Variants in TIGD1 observed in about 807,000 individuals in gnomAD.
The protein encoded by TIGD1 is tigger transposable element derived 1.
A neutral mutation model predicts 21.3 loss-of-function variants in TIGD1; 20 were observed. The observed-to-expected ratio is 0.94, with a 90% CI of 0.66 to 1.36. The LOEUF is 1.36. TIGD1 is among the 40% of genes most tolerant of loss of function. The pLI, the probability that TIGD1 is intolerant of heterozygous loss-of-function variation, is 0.00. For synonymous variants in TIGD1, 177 were observed against 123.2 expected (o/e 1.44, Z -2.89); for missense variants, 556 against 350.5 (o/e 1.59, Z -4.68).
Position 232,548,384 on chromosome 2 carries a change from T to C in TIGD1, c.1499A>G (p.Asp500Gly), listed in dbSNP as rs1363620699. The change falls in exon 1 of 1, where the codon GAT (aspartate) becomes GGT (glycine). Residue 500 changes from aspartate to glycine, a missense_variant. Asp to Gly is a moderately conservative substitution (Grantham distance 94, BLOSUM62 -1). Transcript: ENST00000408957. ...KDLEYYINLV[D>G]KAAAGFERID... ...CCTCTCAAACCCTGCTGCTGCTTTA[T>C]CAACTAAGTTTATGTAATATTCTAA... is the stretch of plus-strand genomic sequence containing the variant. The C allele has an allele frequency of 3.5e-6, 3 of 862,336 alleles. No individual in the cohort carries two copies. The highest frequency in any genetic ancestry group is 5.5e-6 in the Non-Finnish European group (3 of 543,546). 53.4% of individuals were successfully genotyped at this position (862,336 alleles called of 1,614,324 possible). A position where few individuals can be genotyped will look rare whatever the true frequency, so the allele number is the denominator to read the frequency against.
Position 232,550,410 on chromosome 2 carries a change from G to C in TIGD1, c.-528C>G. 4.0e-6 allele frequency: 2 copies of C among 494,094 alleles called. No homozygotes were observed. The highest frequency in any genetic ancestry group is 3.7e-6 in the Non-Finnish European group (1 of 272,816). 30.6% of individuals were successfully genotyped at this position (494,094 alleles called of 1,614,324 possible). ...AAGCAGCGAGTCCAGAGCCCGCGCC[G>C]TCAACGACGCGGTGCTGCCTTTTTT... On this transcript the variant is annotated 5_prime_UTR_variant, in exon 1 of 1. Coordinates refer to ENST00000408957, the MANE Select transcript of TIGD1 (RefSeq NM_145702.4).
At position 232,544,756 on chromosome 2, in the gene TIGD1, C is replaced by G. The variant is rs1692092540; in HGVS notation, c.*3351G>C. 1 of 1,613,882 alleles carries G rather than the reference C, an allele frequency of 6.2e-7. No individual in the cohort carries two copies. Among genetic ancestry groups the G allele is most frequent in the African/African-American group, 1.3e-5 (1 of 75,042 alleles). ...CCTCCATTCTACTCCCAAACCTTAC[C>G]CTTTCTCTTTATCAGAGAAAGGCCC... is the stretch of plus-strand genomic sequence containing the variant. On this transcript the variant is annotated 3_prime_UTR_variant, in exon 1 of 1. Transcript: ENST00000408957.
In TIGD1 at chr2:232,545,750, C is replaced by T. The variant is rs1692120961; in HGVS notation, c.*2357G>A. 6.2e-7 allele frequency: 1 copy of T among 1,611,022 alleles called. No individual in the cohort carries two copies. The highest frequency in any genetic ancestry group is 8.5e-7 in the Non-Finnish European group (1 of 1,177,550). On this transcript the variant is annotated 3_prime_UTR_variant, in exon 1 of 1. Coordinates refer to ENST00000408957, the MANE Select transcript of TIGD1 (RefSeq NM_145702.4). ...ACCACTGTGGGGCATGTGGGAGTCA[C>T]ACACGTGGGTCACACTGAGTCTTAT... is the stretch of plus-strand genomic sequence containing the variant.
chr2:232,549,406 T>G lies in TIGD1; in HGVS notation c.477A>C (p.Val159=), dbSNP rs1183652202. ...CTTCTGGATAACTTGCTGCAGCTTCTACATCAGCACTTGCTGCTTCACCTT... is the reference window on the plus strand; with the variant it reads ...CTTCTGGATAACTTGCTGCAGCTTCGACATCAGCACTTGCTGCTTCACCTT... The part of the protein sequence containing the change: ...KAQGEAASAD[V]EAAASYPEAL... Residue 159 remains valine (V), a synonymous_variant, in exon 1 of 1, where the codon GTA becomes GTC. Coordinates refer to ENST00000408957, the MANE Select transcript of TIGD1 (RefSeq NM_145702.4). 1.6e-6 allele frequency: 1 copy of G among 640,538 alleles called. No individual in the cohort carries two copies. Among genetic ancestry groups the G allele is most frequent in the Non-Finnish European group, 2.8e-6 (1 of 358,206 alleles). 39.7% of individuals were successfully genotyped at this position (640,538 alleles called of 1,614,324 possible).
chr2:232,549,772 G>C lies in TIGD1; in HGVS notation c.111C>G (p.Gly37=). The C allele has an allele frequency of 6.6e-7, 1 of 1,520,216 alleles. No individual in the cohort carries two copies. The highest frequency in any genetic ancestry group is 8.9e-7 in the Non-Finnish European group (1 of 1,119,168). The allele number at this position is 1,520,216 out of a possible 1,614,324, so 94.2% of individuals were successfully genotyped here. ...TTTGCCGCAGGAGGCCTAGCCTTCG[G>C]CCTATCTCGGCTTTTGACATACCTT... The part of the protein sequence containing the change: ...SEEGMSKAEI[G]RRLGLLRQTV... The change falls in exon 1 of 1, where the codon GGC becomes GGG. Residue 37 remains glycine, a synonymous_variant. Coordinates refer to ENST00000408957, the MANE Select transcript of TIGD1 (RefSeq NM_145702.4).
chr2:232,545,823 C>A lies in TIGD1; in HGVS notation c.*2284G>T. 7.9e-7 allele frequency: 1 copy of A among 1,268,178 alleles called. No individual in the cohort carries two copies. The highest frequency in any genetic ancestry group is 1.5e-5 in the African/African-American group (1 of 68,504). The allele number at this position is 1,268,178 out of a possible 1,614,324, so 78.6% of individuals were successfully genotyped here. ...TCCTAAGTGTGCTCTTTGGGAAGTG[C>A]CCTTCAGGACTGTGTGAGCCAAACA... On this transcript the variant is annotated 3_prime_UTR_variant, in exon 1 of 1. Transcript: ENST00000408957.
Position 232,549,586 on chromosome 2 carries a change from G to A in TIGD1, c.297C>T (p.Pro99=), listed in dbSNP as rs1318603812. 1 of 682,678 alleles carries A rather than the reference G, an allele frequency of 1.5e-6. No homozygotes were observed. The highest frequency in any genetic ancestry group is 1.8e-5 in the African/African-American group (1 of 57,014). The allele number at this position is 682,678 out of a possible 1,614,324, so 42.3% of individuals were successfully genotyped here. A position where few individuals can be genotyped will look rare whatever the true frequency, so the allele number is the denominator to read the frequency against. Residue 99 remains proline (P), a synonymous_variant, in exon 1 of 1, where the codon CCC becomes CCT. Transcript: ENST00000408957. ...TGTTCTGGATTAGGCTTTGGCTTAA[G>A]GGAATGTTGCGGCTGGTCTGATCTT... is the stretch of plus-strand genomic sequence containing the variant. The part of the protein sequence containing the change: ...WIEDQTSRNI[P]LSQSLIQNKA...
In TIGD1 at chr2:232,544,975, T is replaced by C. The variant is rs1692097732; in HGVS notation, c.*3132A>G. Reference sequence around the variant, plus strand: ...GGAACCGTGATAGAGACAGGATGAGTGGGGTTGCCAAGATAGGGCAGTGGG... The same window carrying C: ...GGAACCGTGATAGAGACAGGATGAGCGGGGTTGCCAAGATAGGGCAGTGGG... On this transcript the variant is annotated 3_prime_UTR_variant, in exon 1 of 1. Coordinates refer to ENST00000408957, the MANE Select transcript of TIGD1 (RefSeq NM_145702.4). 1.9e-6 allele frequency: 3 copies of C among 1,597,728 alleles called. No homozygotes were observed. Among genetic ancestry groups the C allele is most frequent in the Non-Finnish European group, 2.6e-6 (3 of 1,169,602 alleles).
chr2:232,549,065 G>A lies in TIGD1; in HGVS notation c.818C>T (p.Thr273Ile), dbSNP rs1183088955. 4.2e-6 allele frequency: 3 copies of A among 714,190 alleles called. No individual in the cohort carries two copies. Among genetic ancestry groups the A allele is most frequent in the Admixed American group, 2.0e-5 (1 of 49,686 alleles). 44.2% of individuals were successfully genotyped at this position (714,190 alleles called of 1,614,324 possible). A position where few individuals can be genotyped will look rare whatever the true frequency, so the allele number is the denominator to read the frequency against. ...SKARMTAHLF[T>I]AWFTEYFKPT... is the part of the protein sequence containing the mutation. Reference sequence around the variant, plus strand: ...TTTAAAATATTCAGTAAACCACGCTGTAAACAGATGTGCTGTCATCCGGGC... The same window carrying A: ...TTTAAAATATTCAGTAAACCACGCTATAAACAGATGTGCTGTCATCCGGGC... The change falls in exon 1 of 1, where the codon ACA becomes ATA. Residue 273 changes from threonine to isoleucine, a missense_variant. Coordinates refer to ENST00000408957, the MANE Select transcript of TIGD1 (RefSeq NM_145702.4).
rs964128415 is a variant in TIGD1 at position 232,546,069 on chromosome 2, A to C, written c.*2038T>G. 1.1e-5 allele frequency: 4 copies of C among 376,346 alleles called. No homozygotes were observed. 23.3% of individuals were successfully genotyped at this position (376,346 alleles called of 1,614,324 possible). A position where few individuals can be genotyped will look rare whatever the true frequency, so the allele number is the denominator to read the frequency against. On this transcript the variant is annotated 3_prime_UTR_variant, in exon 1 of 1. Transcript: ENST00000408957. ...GGACTGTTTTGTATAATACCTTCGG[A>C]CTTGGGACTGGCTCCCCTTTTACAA... is the stretch of plus-strand genomic sequence containing the variant.
In TIGD1 at chr2:232,544,551, G is replaced by T. The variant is rs767884780; in HGVS notation, c.*3556C>A. On this transcript the variant is annotated 3_prime_UTR_variant, in exon 1 of 1. Coordinates refer to ENST00000408957, the MANE Select transcript of TIGD1 (RefSeq NM_145702.4). ...CTCTTCCAGCAGTGGCAGCGGCAAGGGCTGGTGGCGGCAGCGCTGGAGAAG... is the reference window on the plus strand; with the variant it reads ...CTCTTCCAGCAGTGGCAGCGGCAAGTGCTGGTGGCGGCAGCGCTGGAGAAG... 1 of 1,613,448 alleles carries T rather than the reference G, an allele frequency of 6.2e-7. No homozygotes were observed. Among genetic ancestry groups the T allele is most frequent in the Non-Finnish European group, 8.5e-7 (1 of 1,179,890 alleles).
In TIGD1 at chr2:232,545,130, C is replaced by CTACCAAAAA. The variant is rs374914759; in HGVS notation, c.*2968_*2976dup. On this transcript the variant is annotated 3_prime_UTR_variant, in exon 1 of 1. Coordinates refer to ENST00000408957, the MANE Select transcript of TIGD1 (RefSeq NM_145702.4). ...TGGCCAACATGGCAAAACCCTATCT[C>CTACCAAAAA]TACCAAAAATACCAAAAATACCAAA... 1.3e-5 allele frequency among the ~76,000 whole-genome samples: 2 copies of CTACCAAAAA among 152,028 alleles called. No individual in the cohort carries two copies. Among genetic ancestry groups the CTACCAAAAA allele is most frequent in the African/African-American group, 4.8e-5 (2 of 41,390 alleles).
Position 232,545,362 on chromosome 2 carries a change from CA to C in TIGD1, c.*2744del, listed in dbSNP as rs5839437. ...AGAAAGAAAGAAAAAGGAACAGGGG[CA>C]GGGGGGGCACCTCAGGGCCAGGGGG... On this transcript the variant is annotated 3_prime_UTR_variant, in exon 1 of 1. Transcript: ENST00000408957. Among the ~76,000 whole-genome samples the C allele has an allele frequency of 0.22, 33,527 of 150,412 alleles. 4,461 individuals carry two copies. The highest frequency in any genetic ancestry group is 0.36 in the East Asian group (1,840 of 5,062).
In TIGD1 at chr2:232,548,140, TGCTGGTGGAGG is replaced by T; in HGVS notation, c.1732_1742del (p.Pro578LysfsTer17). The T allele has an allele frequency of 2.9e-6, 3 of 1,035,004 alleles. No individual in the cohort carries two copies. Among genetic ancestry groups the T allele is most frequent in the Admixed American group, 5.8e-5 (2 of 34,734 alleles). 64.1% of individuals were successfully genotyped at this position (1,035,004 alleles called of 1,614,324 possible). ...AGCCTTCGGTGAGTCGTACTCTTTT[TGCTGGTGGAGG>T]GTCTTGCCTCGAGGTTGATGGTTGC... is the stretch of plus-strand genomic sequence containing the variant. On this transcript the variant is annotated frameshift_variant, in exon 1 of 1. Coordinates refer to ENST00000408957, the MANE Select transcript of TIGD1 (RefSeq NM_145702.4). LOFTEE classifies it high-confidence loss of function.
rs377735597 is a variant in TIGD1 at position 232,548,099 on chromosome 2, G to A, written c.*8C>T. 3 of 651,002 alleles carry A rather than the reference G, an allele frequency of 4.6e-6. No homozygotes were observed. Among genetic ancestry groups the A allele is most frequent in the African/African-American group, 1.8e-5 (1 of 54,128 alleles). 40.3% of individuals were successfully genotyped at this position (651,002 alleles called of 1,614,324 possible). ...TAAAAATACTTTATTGCTAAAAAAT[G>A]CTGATTATCAATCTGAGCCTTCGGT... On this transcript the variant is annotated 3_prime_UTR_variant, in exon 1 of 1. Transcript: ENST00000408957.
chr2:232,543,996 A>G lies in TIGD1; in HGVS notation c.*4111T>C, dbSNP rs948372854. The stretch of plus-strand genomic sequence containing the variant: ...AACCTGCCCAAGGAAGTGCACTACA[A>G]AGTCGAAAAAGCAGGAGTCTGCCAG... On this transcript the variant is annotated 3_prime_UTR_variant, in exon 1 of 1. Transcript: ENST00000408957. Among the ~76,000 whole-genome samples, 4 of 152,220 alleles carry G rather than the reference A, an allele frequency of 2.6e-5. No individual in the cohort carries two copies. Among genetic ancestry groups the G allele is most frequent in the African/African-American group, 9.6e-5 (4 of 41,464 alleles).
In TIGD1 at chr2:232,546,169, G is replaced by GCCCATA. The variant is rs1692129946; in HGVS notation, c.*1932_*1937dup. The GCCCATA allele has an allele frequency of 4.1e-6, 1 of 242,514 alleles. No homozygotes were observed. The highest frequency in any genetic ancestry group is 8.2e-6 in the Non-Finnish European group (1 of 121,504). 15.0% of individuals were successfully genotyped at this position (242,514 alleles called of 1,614,324 possible). On this transcript the variant is annotated 3_prime_UTR_variant, in exon 1 of 1. Coordinates refer to ENST00000408957, the MANE Select transcript of TIGD1 (RefSeq NM_145702.4). ...ATGCTCTCTCCAAAGCAGGGCAGCA[G>GCCCATA]CCCATACCAGCTGGCATCTCCCCCC...
Position 232,550,544 on chromosome 2 carries a change from G to A in TIGD1, c.-662C>T, listed in dbSNP as rs2106228270. The A allele has an allele frequency of 2.6e-6, 2 of 765,042 alleles. No individual in the cohort carries two copies. Among genetic ancestry groups the A allele is most frequent in the Non-Finnish European group, 2.2e-6 (1 of 459,334 alleles). The allele number at this position is 765,042 out of a possible 1,614,324, so 47.4% of individuals were successfully genotyped here. Reference sequence around the variant, plus strand: ...GGCCAGCAGCCAGCTCCGCCGCTGAGTCCAGCCCTCTGCGCAGCCGCCCTG... The same window carrying A: ...GGCCAGCAGCCAGCTCCGCCGCTGAATCCAGCCCTCTGCGCAGCCGCCCTG... On this transcript the variant is annotated 5_prime_UTR_variant, in exon 1 of 1. Transcript: ENST00000408957.
chr2:232,544,343 C>T lies in TIGD1; in HGVS notation c.*3764G>A. The T allele has an allele frequency of 6.3e-7, 1 of 1,591,436 alleles. No homozygotes were observed. Among genetic ancestry groups the T allele is most frequent in the Non-Finnish European group, 8.6e-7 (1 of 1,160,880 alleles). ...CTGCTCTGAAGCTCGGCCTGCTGCC[C>T]TAGTGAAGCCACCCCCTCTCTAGGT... On this transcript the variant is annotated 3_prime_UTR_variant, in exon 1 of 1. Coordinates refer to ENST00000408957, the MANE Select transcript of TIGD1 (RefSeq NM_145702.4).
Sources: allele counts gnomAD v4.1 joint callset (sites outside exome capture counted in the v4.1 genomes callset), GRCh38; gene constraint gnomAD v4.1.1; transcripts MANE v1.5; gene names NCBI Gene and HGNC (gene_info 2026-07-23, HGNC 2026-07-21).